ADK: variants seen among roughly 807,000 people sequenced by gnomAD.
ADK encodes the protein adenosine kinase.
Under a neutral mutation model 44.7 loss-of-function variants are expected in ADK, and 24 were observed. The observed-to-expected ratio is 0.54, with a 90% CI of 0.39 to 0.76. ADK has a LOEUF of 0.76. ADK is among the 30% of genes least tolerant of loss of function. The pLI is 0.00. For missense variants in ADK, 321 were observed against 425.1 expected (o/e 0.76, Z 2.15); for synonymous variants, 128 against 142.6 (o/e 0.90, Z 0.73).
chr10:74,651,211 T>C (rs1240826912), intron 9 of ADK, among the ~76,000 whole-genome samples: 1 of 152,026 alleles, frequency 6.6e-6, no homozygotes, highest in African/African-American at 2.4e-5. Flanking sequence ...ACACAGGGTC[T>C]TAATTTTTTT....
At chr10:74,263,654 T>C (rs1268898321) in intron 3 of ADK, among the ~76,000 whole-genome samples, 1 of 152,218 alleles carries the variant, frequency 6.6e-6, no homozygotes, top group Non-Finnish European at 1.5e-5. Context: ...CAAAGTTCAC[T>C]GGTGTTCCAG....
chr10:74,312,197 GT>G, intron 3 of ADK, among the ~76,000 whole-genome samples: 1 of 152,212 alleles, frequency 6.6e-6, no homozygotes, highest in South Asian at 2.1e-4. Flanking sequence ...GGTTTTTGGA[GT>G]TTGACAACTA....
intron 9 of ADK, among the ~76,000 whole-genome samples, chr10:74,634,018 A>C (rs1853532214): frequency 6.6e-6 from 1 of 152,212 alleles, no homozygotes; most frequent in Admixed American, 6.5e-5. Context: ...AATTACGCAT[A>C]TGCAGAGTGG....
chr10:74,487,664 A>G (rs573446800), intron 6 of ADK, among the ~76,000 whole-genome samples: 2 of 152,120 alleles, frequency 1.3e-5, no homozygotes, highest in East Asian at 3.9e-4. Context: ...ATATAGGATA[A>G]ATAAGTCACA....
At chr10:74,383,187 T>C (rs1336852237) in intron 4 of ADK, among the ~76,000 whole-genome samples, 1 of 152,280 alleles carries the variant, frequency 6.6e-6, no homozygotes, top group East Asian at 1.9e-4. Flanking sequence ...CCAGATTCTA[T>C]GCTGAACCTT....
Position 74,151,255 on chromosome 10 carries a change from C to T in ADK, c.-24C>T. The T allele has an allele frequency of 6.5e-7, 1 of 1,549,532 alleles. No homozygotes were observed. The highest frequency in any genetic ancestry group is 8.7e-7 in the Non-Finnish European group (1 of 1,146,840). On this transcript the variant is annotated 5_prime_UTR_variant, in exon 1 of 11. Coordinates refer to ENST00000539909, the MANE Select transcript of ADK (RefSeq NM_006721.4). ...TGGATGGCAGAGGTGGGCTGTAGAG[C>T]CAAAGTGGGGTGGGAGCGCGAAGAT...
intron 2 of ADK, among the ~76,000 whole-genome samples, chr10:74,210,429 A>G (rs1218029101): frequency 6.6e-6 from 1 of 152,150 alleles, no homozygotes; most frequent in East Asian, 1.9e-4. Context: ...TAATAAACAT[A>G]CAAACCTTAC....
chr10:74,302,101 G>GTTTTTTTTTTTTTTTTTTT lies in ADK; in HGVS notation c.195-12563_195-12562insTTTTTTTTTTTTTTTTTTT, dbSNP rs1564642239. 5.1e-4 allele frequency among the ~76,000 whole-genome samples: 6 copies of GTTTTTTTTTTTTTTTTTTT among 11,708 alleles called. 1 individual carries two copies. Among genetic ancestry groups the GTTTTTTTTTTTTTTTTTTT allele is most frequent in the African/African-American group, 1.4e-3 (5 of 3,544 alleles). 7.7% of individuals were successfully genotyped at this position (11,708 alleles called of 152,430 possible). On this transcript the variant is annotated intron_variant, in intron 3 of 10. Coordinates refer to ENST00000539909, the MANE Select transcript of ADK (RefSeq NM_006721.4). ...TTCTTTTCTTTTCTGTTTTTTTTTT[G>GTTTTTTTTTTTTTTTTTTT]TTTGTTTGTTTTTTTTTTTTTTTTT...
intron 4 of ADK, among the ~76,000 whole-genome samples, chr10:74,350,189 A>C (rs1841917504): frequency 6.6e-6 from 1 of 152,236 alleles, no homozygotes; most frequent in South Asian, 2.1e-4. Context: ...CAGCAAATGC[A>C]AAAGAATGGA....
At chr10:74,536,817 G>A (rs1589227647) in intron 7 of ADK, among the ~76,000 whole-genome samples, 1 of 152,004 alleles carries the variant, frequency 6.6e-6, no homozygotes, top group Non-Finnish European at 1.5e-5. Context: ...CCATGTTATA[G>A]CATGTTATCA....
chr10:74,329,525 T>A (rs1841145220), intron 4 of ADK, among the ~76,000 whole-genome samples: 1 of 152,228 alleles, frequency 6.6e-6, no homozygotes, highest in African/African-American at 2.4e-5. Flanking sequence ...TTAACCAGAA[T>A]TTTCATTTAA....
intron 4 of ADK, chr10:74,372,505 G>A (rs1313794053): frequency 1.3e-5 from 5 of 391,060 alleles, no homozygotes; most frequent in Non-Finnish European, 1.9e-5. Flanking sequence ...AATGCATTCA[G>A]CAAGGTTGAC....
rs562174499 is a variant in ADK, at chr10:74,234,424, T to C, written c.194+9833T>C. Among the ~76,000 whole-genome samples the C allele has an allele frequency of 7.9e-5, 12 of 152,328 alleles. No individual in the cohort carries two copies. In the South Asian group the frequency reaches 2.5e-3, roughly 32 times the overall value. ...AAAGGATAGAACTGTTTAGATCTTTTTGATTGCTTTCCATTTTGTATAAGT... is the reference window on the plus strand; with the variant it reads ...AAAGGATAGAACTGTTTAGATCTTTCTGATTGCTTTCCATTTTGTATAAGT... On this transcript the variant is annotated intron_variant, in intron 3 of 10. Coordinates refer to ENST00000539909, the MANE Select transcript of ADK (RefSeq NM_006721.4).
chr10:74,395,475 A>T (rs1843476083), intron 5 of ADK, among the ~76,000 whole-genome samples: 1 of 152,168 alleles, frequency 6.6e-6, no homozygotes, highest in African/African-American at 2.4e-5. Flanking sequence ...TTTTTTATAT[A>T]CAGGAGAACT....
At position 74,514,179 on chromosome 10, in the gene ADK, GTCTAATGGGGAT is replaced by G. The variant is rs367857643; in HGVS notation, c.556-11074_556-11063del. 7.4e-3 allele frequency among the ~76,000 whole-genome samples: 1,122 copies of G among 152,250 alleles called. 8 individuals are homozygous for G. The highest frequency in any genetic ancestry group is 0.011 in the Non-Finnish European group (767 of 68,012). On this transcript the variant is annotated intron_variant, in intron 6 of 10. Transcript: ENST00000539909. Reference sequence around the variant, plus strand: ...ATTTCTGCTGAGAAATTCACTGTTAGTCTAATGGGGATTCCCTTATATGACTTGATGCTTTTA... The same window carrying G: ...ATTTCTGCTGAGAAATTCACTGTTAGTCCCTTATATGACTTGATGCTTTTA...
At chr10:74,475,447 A>G (rs1456747053) in intron 6 of ADK, among the ~76,000 whole-genome samples, 1 of 152,152 alleles carries the variant, frequency 6.6e-6, no homozygotes, top group Non-Finnish European at 1.5e-5. Context: ...ATGGTGACTC[A>G]ATTCTCTAAT....
In ADK at chr10:74,303,587, TG is replaced by T. The variant is rs1360745015; in HGVS notation, c.195-11079del. The stretch of plus-strand genomic sequence containing the variant: ...ACACTTTTCATATTGGTTTTAATGT[TG>T]TTTTTTTTTTTTTTTTTTTTTTTTT... On this transcript the variant is annotated intron_variant, in intron 3 of 10. Coordinates refer to ENST00000539909, the MANE Select transcript of ADK (RefSeq NM_006721.4). Among the ~76,000 whole-genome samples the T allele has an allele frequency of 4.8e-3, 556 of 114,852 alleles. 52 individuals carry two copies. The highest frequency in any genetic ancestry group is 0.013 in the African/African-American group (423 of 32,136). 75.3% of individuals were successfully genotyped at this position (114,852 alleles called of 152,430 possible). A position where few individuals can be genotyped will look rare whatever the true frequency, so the allele number is the denominator to read the frequency against.
chr10:74,255,796 C>A (rs886627933), intron 3 of ADK, among the ~76,000 whole-genome samples: 1 of 152,192 alleles, frequency 6.6e-6, no homozygotes, highest in Admixed American at 6.5e-5. Context: ...ACAGTCAGAA[C>A]AGGTATTCTT....
At chr10:74,412,085 T>C (rs1009666191) in intron 6 of ADK, among the ~76,000 whole-genome samples, 1 of 152,220 alleles carries the variant, frequency 6.6e-6, no homozygotes, top group Non-Finnish European at 1.5e-5. Context: ...CTTCTTCCAC[T>C]GAAGTCTTGA....
Sources: allele counts gnomAD v4.1 joint callset (sites outside exome capture counted in the v4.1 genomes callset), GRCh38; gene constraint gnomAD v4.1.1; transcripts MANE v1.5; gene names NCBI Gene and HGNC (gene_info 2026-07-23, HGNC 2026-07-21).